The following ANTXR1 variants were observed in gnomAD, a reference collection of about 807,000 sequenced individuals.
The protein encoded by ANTXR1 is ANTXR cell adhesion molecule 1.
Under a neutral mutation model 78.1 loss-of-function variants are expected in ANTXR1, and 19 were observed. The ratio of observed to expected loss-of-function variants is 0.24; its 90% CI spans 0.17 to 0.36. The LOEUF (loss-of-function observed/expected upper bound fraction) is 0.36. Ranked by LOEUF, ANTXR1 falls within the 10% of genes least tolerant of loss-of-function variation. The pLI, the probability that ANTXR1 is intolerant of heterozygous loss-of-function variation, is 1.00. For synonymous variants in ANTXR1, 273 were observed against 260.5 expected (o/e 1.05, Z -0.46); for missense variants, 518 against 718.6 (o/e 0.72, Z 3.19).
rs182453565 is a variant in ANTXR1, at chr2:69,040,019, G to T, written c.153-25G>T. 534 of 1,606,032 alleles carry T rather than the reference G, an allele frequency of 3.3e-4. 1 individual carries two copies. In the African/African-American group the frequency reaches 6.5e-3, roughly 19 times the overall value. On this transcript the variant is annotated intron_variant, in intron 1 of 17. Coordinates refer to ENST00000303714, the MANE Select transcript of ANTXR1 (RefSeq NM_032208.3). ...AAAGACAAGTAAACACCTGAGTCAC[G>T]CAACACCTGCTTTTGTTTTCCTAGA...
intron 17 of ANTXR1, among the ~76,000 whole-genome samples, chr2:69,236,371 T>A (rs1304675843): frequency 6.6e-6 from 1 of 152,202 alleles, no homozygotes; most frequent in Admixed American, 6.5e-5. Context: ...TATCTTTACA[T>A]ATATACACAC....
intron 1 of ANTXR1, among the ~76,000 whole-genome samples, chr2:69,014,756 AAG>A (rs1670971724): frequency 6.6e-6 from 1 of 152,194 alleles, no homozygotes; most frequent in South Asian, 2.1e-4. Context: ...GAGTTGGAAA[AAG>A]AGTCCTGCAA....
chr2:69,241,179 C>T (rs1026370530), intron 17 of ANTXR1, among the ~76,000 whole-genome samples: 2 of 152,188 alleles, frequency 1.3e-5, no homozygotes, highest in African/African-American at 4.8e-5. Flanking sequence ...GTCACAAAGA[C>T]CAGTGTTATG....
chr2:69,152,516 T>G (rs1673425069), intron 13 of ANTXR1, among the ~76,000 whole-genome samples: 1 of 152,170 alleles, frequency 6.6e-6, no homozygotes, highest in African/African-American at 2.4e-5. Context: ...GGTGGCCGCT[T>G]TAGTTCTGGT....
chr2:69,014,649 G>A (rs1670968255), intron 1 of ANTXR1, among the ~76,000 whole-genome samples: 1 of 152,154 alleles, frequency 6.6e-6, no homozygotes, highest in South Asian at 2.1e-4. Context: ...CAGAAGATCC[G>A]TGCTCATTAA....
chr2:69,044,427 G>C (rs2104089383), intron 2 of ANTXR1, among the ~76,000 whole-genome samples: 1 of 152,248 alleles, frequency 6.6e-6, no homozygotes, highest in South Asian at 2.1e-4. Flanking sequence ...TGGTCCCCTT[G>C]TTGGGACACA....
chr2:69,032,042 C>A (rs1039591661), intron 1 of ANTXR1, among the ~76,000 whole-genome samples: 2 of 152,034 alleles, frequency 1.3e-5, no homozygotes, highest in African/African-American at 4.8e-5. Flanking sequence ...CATCAGAATT[C>A]TTTTATAATG....
At chr2:69,191,921 A>G (rs918693242) in intron 16 of ANTXR1, among the ~76,000 whole-genome samples, 3 of 152,270 alleles carry the variant, frequency 2.0e-5, no homozygotes, top group African/African-American at 7.2e-5. Context: ...TTTCCTCTCC[A>G]CAGCCCTCTG....
chr2:69,109,532 A>C (rs1158356825), intron 10 of ANTXR1, among the ~76,000 whole-genome samples: 2 of 152,266 alleles, frequency 1.3e-5, no homozygotes, highest in Non-Finnish European at 2.9e-5. Flanking sequence ...AACAAAGCCC[A>C]TAAACAGAAC....
intron 17 of ANTXR1, 49 bp from the exon 18 acceptor site, chr2:69,245,176 T>C (rs1675986488): frequency 4.3e-6 from 7 of 1,611,610 alleles, no homozygotes; most frequent in Admixed American, 1.7e-5. Flanking sequence ...CCACAGGCCC[T>C]GATGTGAGGC....
intron 17 of ANTXR1, among the ~76,000 whole-genome samples, chr2:69,236,534 TG>T (rs1223709183): frequency 7.2e-5 from 11 of 152,184 alleles, no homozygotes; most frequent in East Asian, 3.9e-4. Context: ...AAAATAGTAT[TG>T]GAACTATGAA....
intron 17 of ANTXR1, among the ~76,000 whole-genome samples, chr2:69,225,195 A>G (rs1675413397): frequency 6.6e-6 from 1 of 152,152 alleles, no homozygotes; most frequent in South Asian, 2.1e-4. Flanking sequence ...AAAAGAATAG[A>G]TCTTTATGCT....
At chr2:69,128,079 C>T (rs748299086) in intron 12 of ANTXR1, among the ~76,000 whole-genome samples, 1 of 152,076 alleles carries the variant, frequency 6.6e-6, no homozygotes, top group Admixed American at 6.5e-5. Context: ...CAAAAATTAG[C>T]CTGGCATGGT....
intron 16 of ANTXR1, among the ~76,000 whole-genome samples, chr2:69,187,584 T>C (rs1232896955): frequency 1.7e-5 from 2 of 119,580 alleles, no homozygotes; most frequent in African/African-American, 7.4e-5. Context: ...ATCATGTATT[T>C]CTTTTTTTTT....
intron 9 of ANTXR1, among the ~76,000 whole-genome samples, chr2:69,091,187 C>G (rs944721138): frequency 6.6e-6 from 1 of 151,464 alleles, no homozygotes; most frequent in Non-Finnish European, 1.5e-5. Flanking sequence ...TGCCTGTAAT[C>G]CAAGCACTTT....
chr2:69,068,829 G>T (rs1294332153), intron 3 of ANTXR1, among the ~76,000 whole-genome samples: 1 of 152,234 alleles, frequency 6.6e-6, no homozygotes, highest in Non-Finnish European at 1.5e-5. Context: ...AGCAAGAGAT[G>T]ATGGTGGCTG....
At chr2:69,019,007 A>C (rs1319402815) in intron 1 of ANTXR1, among the ~76,000 whole-genome samples, 1 of 152,228 alleles carries the variant, frequency 6.6e-6, no homozygotes, top group Non-Finnish European at 1.5e-5. Flanking sequence ...TAGGGGGTTA[A>C]TTGATGAGTC....
intron 13 of ANTXR1, among the ~76,000 whole-genome samples, chr2:69,168,064 C>G (rs1157506965): frequency 6.6e-6 from 1 of 152,188 alleles, no homozygotes; most frequent in Non-Finnish European, 1.5e-5. Flanking sequence ...GCTACTGACT[C>G]CCCCAAAACC....
chr2:69,040,187 C>T, intron 2 of ANTXR1, 72 bp downstream of exon 2: 2 of 1,303,860 alleles, frequency 1.5e-6, no homozygotes, highest in Non-Finnish European at 2.2e-6. Flanking sequence ...GTTTGCTATT[C>T]TATTAATTAC....
Sources: allele counts gnomAD v4.1 joint callset (sites outside exome capture counted in the v4.1 genomes callset), GRCh38; gene constraint gnomAD v4.1.1; transcripts MANE v1.5; gene names NCBI Gene and HGNC (gene_info 2026-07-23, HGNC 2026-07-21).